Variants in UNC13C observed in about 807,000 individuals in gnomAD.
The protein encoded by UNC13C is protein unc-13 homolog C.
UNC13C carries 174 observed loss-of-function variants against 245.4 expected under a neutral mutation model. That is an observed-to-expected ratio of 0.71 (90% CI 0.63 to 0.80). The LOEUF is 0.80. UNC13C is among the 30% of genes least tolerant of loss of function. UNC13C has a pLI of 0.00. For synonymous variants in UNC13C, 992 were observed against 895.1 expected (o/e 1.11, Z -1.93); for missense variants, 2,829 against 2,602.9 (o/e 1.09, Z -1.89).
chr15:54,197,282 G>A (rs2034385321), intron 4 of UNC13C, among the ~76,000 whole-genome samples: 1 of 151,958 alleles, frequency 6.6e-6, no homozygotes, highest in Admixed American at 6.6e-5. Flanking sequence ...ATCGAGACCA[G>A]CCTGGCCAAC....
At chr15:54,458,680 C>T (rs1052388951) in intron 19 of UNC13C, among the ~76,000 whole-genome samples, 159 of 65,932 alleles carry the variant, frequency 2.4e-3, no homozygotes, top group East Asian at 3.5e-3. Flanking sequence ...CCTTTAAGGT[C>T]TTTTTTTTTT....
intron 1 of UNC13C, among the ~76,000 whole-genome samples, chr15:54,005,305 T>C (rs1421814704): frequency 1.3e-5 from 2 of 152,324 alleles, no homozygotes; most frequent in East Asian, 3.9e-4. Flanking sequence ...CACCACCTAT[T>C]TCCCTAAGAT....
chr15:54,255,932 T>C (rs1320961497), intron 8 of UNC13C, among the ~76,000 whole-genome samples: 1 of 152,192 alleles, frequency 6.6e-6, no homozygotes, highest in African/African-American at 2.4e-5. Flanking sequence ...ATGGAGCATT[T>C]TCAGGTGATG....
chr15:53,871,377 T>C, the UNC13C span, among the ~76,000 whole-genome samples: 2 of 152,178 alleles, frequency 1.3e-5, no homozygotes, highest in Non-Finnish European at 2.9e-5. Context: ...CCTTCTTACT[T>C]AGGTTCAGCT....
intron 2 of UNC13C, chr15:54,050,947 C>A: frequency 1.9e-6 from 1 of 535,346 alleles, no homozygotes; most frequent in Non-Finnish European, 3.8e-6. Flanking sequence ...AAAGCAGTGG[C>A]AATTGCTTTC....
At chr15:54,206,336 A>G (rs1487020539) in intron 4 of UNC13C, among the ~76,000 whole-genome samples, 2 of 152,072 alleles carry the variant, frequency 1.3e-5, no homozygotes, top group African/African-American at 4.8e-5. Flanking sequence ...GATAATTTAT[A>G]AAAATAAAAG....
intron 19 of UNC13C, among the ~76,000 whole-genome samples, chr15:54,430,566 C>T (rs2040851615): frequency 6.6e-6 from 1 of 151,514 alleles, no homozygotes; most frequent in Non-Finnish European, 1.5e-5. Flanking sequence ...GGTAAATCAG[C>T]ATTAAATATT....
chr15:53,857,436 C>T, the UNC13C span, among the ~76,000 whole-genome samples: 1 of 152,108 alleles, frequency 6.6e-6, no homozygotes, highest in Non-Finnish European at 1.5e-5. Flanking sequence ...TATGAGATGG[C>T]AAGGCTATCC....
chr15:54,072,769 A>T (rs746852014), intron 2 of UNC13C, among the ~76,000 whole-genome samples: 11 of 152,204 alleles, frequency 7.2e-5, no homozygotes, highest in Non-Finnish European at 1.6e-4. Context: ...GAATAAAAGA[A>T]CATTTTACTA....
intron 2 of UNC13C, among the ~76,000 whole-genome samples, chr15:54,036,740 T>C (rs1896592366): frequency 6.6e-6 from 1 of 152,228 alleles, no homozygotes; most frequent in Non-Finnish European, 1.5e-5. Context: ...CTGTCATTCC[T>C]GTAATGGATG....
intron 11 of UNC13C, among the ~76,000 whole-genome samples, chr15:54,295,918 T>C (rs976425951): frequency 6.6e-6 from 1 of 152,192 alleles, no homozygotes; most frequent in Non-Finnish European, 1.5e-5. Flanking sequence ...TTTTTAGCTT[T>C]GTGTAAAATC....
chr15:54,242,062 A>G, intron 7 of UNC13C, among the ~76,000 whole-genome samples: 1 of 152,208 alleles, frequency 6.6e-6, no homozygotes, highest in Admixed American at 6.5e-5. Flanking sequence ...ATGTTTACTA[A>G]TTATATCATA....
chr15:54,612,246 T>C (rs772600244), intron 30 of UNC13C, among the ~76,000 whole-genome samples: 1 of 150,692 alleles, frequency 6.6e-6, no homozygotes, highest in African/African-American at 2.5e-5. Context: ...TAGGTGGTTG[T>C]ATTTGTTTAA....
intron 10 of UNC13C, among the ~76,000 whole-genome samples, chr15:54,279,766 A>G (rs1490875991): frequency 6.6e-6 from 1 of 152,160 alleles, no homozygotes; most frequent in Admixed American, 6.5e-5. Flanking sequence ...GAGGTCTTTT[A>G]GATGTGGGAA....
the UNC13C span, among the ~76,000 whole-genome samples, chr15:53,920,349 T>A: frequency 6.6e-6 from 1 of 151,688 alleles, no homozygotes; most frequent in Non-Finnish European, 1.5e-5. Flanking sequence ...TGGTCAGGAG[T>A]TCAAGACCAG....
chr15:54,558,406 C>T (rs1308592611), intron 29 of UNC13C, among the ~76,000 whole-genome samples: 3 of 151,976 alleles, frequency 2.0e-5, no homozygotes, highest in Non-Finnish European at 4.4e-5. Flanking sequence ...TTCTATGTCA[C>T]ATTTTTTCAA....
intron 17 of UNC13C, among the ~76,000 whole-genome samples, chr15:54,373,153 T>C (rs2140886152): frequency 6.6e-6 from 1 of 152,260 alleles, no homozygotes; most frequent in Middle Eastern, 3.4e-3. Flanking sequence ...GGAGCAACCT[T>C]GGGTGAGTCA....
intron 17 of UNC13C, among the ~76,000 whole-genome samples, chr15:54,361,326 T>C (rs1031933566): frequency 1.3e-5 from 2 of 152,198 alleles, no homozygotes; most frequent in African/African-American, 4.8e-5. Context: ...AGATTTTTAC[T>C]TGGTGTGTTT....
chr15:54,355,913 A>G (rs771559000), intron 17 of UNC13C, among the ~76,000 whole-genome samples: 3 of 152,158 alleles, frequency 2.0e-5, no homozygotes, highest in Admixed American at 6.5e-5. Context: ...GTATATATAG[A>G]TATGTTTGTA....
Sources: gnomAD v4.1 joint callset for allele counts (sites outside exome capture counted in the v4.1 genomes callset) on GRCh38, gnomAD v4.1.1 for gene constraint, MANE v1.5 for transcripts, NCBI Gene and HGNC (gene_info 2026-07-23, HGNC 2026-07-21) for gene names.